The following TNPO3 variants were observed in gnomAD, a reference collection of about 807,000 sequenced individuals.
TNPO3 encodes transportin-3.
In TNPO3, 65 loss-of-function variants were observed where a neutral mutation model predicts 122.8. The ratio of observed to expected loss-of-function variants is 0.53; its 90% CI spans 0.43 to 0.65. TNPO3 has a LOEUF of 0.65. Ranked by LOEUF, TNPO3 falls within the 30% of genes least tolerant of loss-of-function variation. The pLI, the probability that TNPO3 is intolerant of heterozygous loss-of-function variation, is 0.00. For synonymous variants in TNPO3, 372 were observed against 411.2 expected (o/e 0.90, Z 1.15); for missense variants, 850 against 1,136.7 (o/e 0.75, Z 3.63).
At chr7:129,048,264 C>T (rs562691455) in intron 1 of TNPO3, among the ~76,000 whole-genome samples, 4 of 152,152 alleles carry the variant, frequency 2.6e-5, no homozygotes, top group Non-Finnish European at 5.9e-5. Context: ...TGCAGTGGCT[C>T]ACACCTCTAA....
At chr7:128,992,222 G>T in intron 9 of TNPO3, 132 bp from the exon 10 acceptor site, 1 of 468,664 alleles carries the variant, frequency 2.1e-6, no homozygotes, top group African/African-American at 2.0e-5. Flanking sequence ...AGCCAGATGA[G>T]AATATTATTT....
At chr7:129,036,664 T>C (rs192570328) in intron 1 of TNPO3, among the ~76,000 whole-genome samples, 1 of 152,128 alleles carries the variant, frequency 6.6e-6, no homozygotes, top group African/African-American at 2.4e-5. Context: ...GTTTAAGGAG[T>C]AGGGCTTTAT....
chr7:128,960,452 C>T (rs1396491666), intron 21 of TNPO3, among the ~76,000 whole-genome samples: 1 of 151,922 alleles, frequency 6.6e-6, no homozygotes, highest in Non-Finnish European at 1.5e-5. Context: ...CCCTTGAAGA[C>T]CTTCTAAGTG....
chr7:128,960,908 C>T (rs568983094), intron 21 of TNPO3, among the ~76,000 whole-genome samples: 164 of 152,122 alleles, frequency 1.1e-3, no homozygotes, highest in Admixed American at 4.0e-3. Context: ...TACAAGTGCC[C>T]ACCACCACGC....
intron 4 of TNPO3, among the ~76,000 whole-genome samples, chr7:129,012,067 G>A (rs1472391579): frequency 1.4e-5 from 2 of 141,604 alleles, no homozygotes; most frequent in African/African-American, 2.7e-5. Flanking sequence ...GTGCAGTGGT[G>A]CAATCTTGGC....
intron 15 of TNPO3, among the ~76,000 whole-genome samples, chr7:128,979,423 C>CTATATAGGAA (rs1488785550): frequency 6.6e-6 from 1 of 152,072 alleles, no homozygotes; most frequent in Non-Finnish European, 1.5e-5. Flanking sequence ...AGAATTGGTA[C>CTATATAGGAA]GAGCTATATA....
intron 18 of TNPO3, 46 bp from the exon 19 acceptor site, chr7:128,972,628 T>C (rs1447755891): frequency 1.3e-6 from 2 of 1,579,622 alleles, no homozygotes; most frequent in Admixed American, 1.8e-5. Flanking sequence ...GATTAGGCTA[T>C]AAAAGCAGCC....
intron 4 of TNPO3, among the ~76,000 whole-genome samples, chr7:129,008,875 G>A (rs1445479524): frequency 6.6e-6 from 1 of 152,122 alleles, no homozygotes; most frequent in Non-Finnish European, 1.5e-5. Context: ...ACAAGTGGAA[G>A]GATTTGCTTG....
At chr7:128,978,454 C>G (rs1432724590) in intron 16 of TNPO3, among the ~76,000 whole-genome samples, 4 of 152,182 alleles carry the variant, frequency 2.6e-5, no homozygotes, top group Non-Finnish European at 4.4e-5. Flanking sequence ...GAGCCCAAGT[C>G]ATTCGCTTCA....
intron 22 of TNPO3, among the ~76,000 whole-genome samples, chr7:128,956,006 T>C (rs1796863717): frequency 6.6e-6 from 1 of 152,152 alleles, no homozygotes; most frequent in Non-Finnish European, 1.5e-5. Context: ...TTATCTTAGT[T>C]AATACATCTA....
chr7:128,971,113 A>G (rs1798440032), intron 19 of TNPO3: 1 of 150,246 alleles, frequency 6.7e-6, no homozygotes, highest in African/African-American at 2.4e-5. Context: ...TTTCTATCGA[A>G]AAAAAAAAAA....
At chr7:129,012,080 A>T (rs1484628559) in intron 4 of TNPO3, among the ~76,000 whole-genome samples, 1 of 138,922 alleles carries the variant, frequency 7.2e-6, no homozygotes, top group Non-Finnish European at 1.5e-5. Flanking sequence ...ATCTTGGCTC[A>T]CTGCAACCTC....
chr7:129,005,782 C>CTTT (rs1186834521), intron 4 of TNPO3, among the ~76,000 whole-genome samples: 2 of 132,266 alleles, frequency 1.5e-5, no homozygotes, highest in Admixed American at 7.9e-5. Flanking sequence ...CTTTTCTTTT[C>CTTT]TTTTTTTTTT....
intron 5 of TNPO3, among the ~76,000 whole-genome samples, chr7:129,002,784 G>T (rs1041043896): frequency 6.6e-6 from 1 of 152,080 alleles, no homozygotes; most frequent in African/African-American, 2.4e-5. Flanking sequence ...CGGGCGCGGT[G>T]GCTCACGCCT....
intron 21 of TNPO3, among the ~76,000 whole-genome samples, chr7:128,961,750 T>TA (rs1208769722): frequency 6.6e-6 from 1 of 152,150 alleles, no homozygotes; most frequent in African/African-American, 2.4e-5. Flanking sequence ...TGCTGAGAAA[T>TA]GAGATCCTTT....
intron 4 of TNPO3, among the ~76,000 whole-genome samples, chr7:129,011,084 G>A (rs1803138355): frequency 6.6e-6 from 1 of 152,186 alleles, no homozygotes; most frequent in Non-Finnish European, 1.5e-5. Context: ...TAATTCTCTT[G>A]AGGAACCCCT....
chr7:128,987,777 C>T (rs1297580567), intron 11 of TNPO3, among the ~76,000 whole-genome samples: 1 of 151,900 alleles, frequency 6.6e-6, no homozygotes, highest in Non-Finnish European at 1.5e-5. Flanking sequence ...GATTGTTTCA[C>T]CACATTGGCC....
intron 1 of TNPO3, among the ~76,000 whole-genome samples, chr7:129,038,476 C>G (rs1418569770): frequency 6.6e-6 from 1 of 152,214 alleles, no homozygotes; most frequent in Non-Finnish European, 1.5e-5. Flanking sequence ...AATCCCATTA[C>G]TGGATGTATA....
intron 21 of TNPO3, among the ~76,000 whole-genome samples, chr7:128,958,007 T>G (rs1389985908): frequency 2.0e-5 from 3 of 152,168 alleles, no homozygotes; most frequent in Non-Finnish European, 2.9e-5. Context: ...CGACCTCCCT[T>G]TGTCCAAAAC....
Sources: allele counts gnomAD v4.1 joint callset (sites outside exome capture counted in the v4.1 genomes callset), GRCh38; gene constraint gnomAD v4.1.1; transcripts MANE v1.5; gene names NCBI Gene and HGNC (gene_info 2026-07-23, HGNC 2026-07-21).